OPCML: variants seen among roughly 807,000 people sequenced by gnomAD.
OPCML encodes opioid binding protein/cell adhesion molecule like, also known as opioid-binding protein/cell adhesion molecule.
A neutral mutation model predicts 37.8 loss-of-function variants in OPCML; 13 were observed. The ratio of observed to expected loss-of-function variants is 0.34; its 90% CI spans 0.22 to 0.55. The LOEUF (loss-of-function observed/expected upper bound fraction) is 0.55. Ranked by LOEUF, OPCML falls within the 20% of genes least tolerant of loss-of-function variation. The pLI, the probability that OPCML is intolerant of heterozygous loss-of-function variation, is 0.91. For missense variants in OPCML, 341 were observed against 435.6 expected (o/e 0.78, Z 1.93); for synonymous variants, 176 against 168.8 (o/e 1.04, Z -0.33).
intron 1 of OPCML, chr11:133,299,843 C>T (rs887898675): frequency 4.6e-5 from 7 of 152,054 alleles, no homozygotes; most frequent in African/African-American, 1.7e-4. Flanking sequence ...GAAGGGATCC[C>T]TACCTAGAAA....
intron 1 of OPCML, among the ~76,000 whole-genome samples, chr11:132,971,797 A>G (rs1946348797): frequency 6.6e-6 from 1 of 151,710 alleles, no homozygotes; most frequent in South Asian, 2.1e-4. Context: ...TCCAAACCAC[A>G]CCAATACTGG....
At chr11:133,373,215 A>G (rs1356100752) in intron 1 of OPCML, among the ~76,000 whole-genome samples, 1 of 151,870 alleles carries the variant, frequency 6.6e-6, no homozygotes, top group East Asian at 1.9e-4. Flanking sequence ...TAATCTTGGC[A>G]GGGGAGGGGG....
chr11:132,471,767 T>A (rs1174489076), intron 4 of OPCML, among the ~76,000 whole-genome samples: 1 of 152,236 alleles, frequency 6.6e-6, no homozygotes, highest in Admixed American at 6.5e-5. Flanking sequence ...ATTGAGCAAC[T>A]CCTAATTTTA....
chr11:133,239,474 G>A (rs780981991), intron 1 of OPCML, among the ~76,000 whole-genome samples: 2 of 152,182 alleles, frequency 1.3e-5, no homozygotes, highest in Non-Finnish European at 2.9e-5. Context: ...AAATAGAAAG[G>A]GGCCTTGGGG....
chr11:133,510,455 G>A (rs546462999), intron 1 of OPCML, among the ~76,000 whole-genome samples: 19 of 152,238 alleles, frequency 1.2e-4, no homozygotes, highest in South Asian at 8.3e-4. Context: ...GTCTTAAATG[G>A]TCTTAAGGTT....
At chr11:133,107,290 G>C (rs1949174681) in intron 1 of OPCML, among the ~76,000 whole-genome samples, 1 of 152,156 alleles carries the variant, frequency 6.6e-6, no homozygotes, top group Non-Finnish European at 1.5e-5. Flanking sequence ...TTCATTAGAG[G>C]ACATCTATCT....
chr11:132,724,700 C>T (rs1321685671), intron 2 of OPCML, among the ~76,000 whole-genome samples: 2 of 152,166 alleles, frequency 1.3e-5, no homozygotes, highest in Non-Finnish European at 2.9e-5. Context: ...GCCTACAAGC[C>T]TGTAAAATCA....
intron 1 of OPCML, among the ~76,000 whole-genome samples, chr11:133,040,716 T>G (rs1947875753): frequency 6.6e-6 from 1 of 151,514 alleles, no homozygotes; most frequent in East Asian, 2.0e-4. Context: ...GGCGGGGCAG[T>G]GAGTCATTCA....
chr11:133,292,710 T>C (rs1316564815), intron 1 of OPCML, among the ~76,000 whole-genome samples: 1 of 152,192 alleles, frequency 6.6e-6, no homozygotes, highest in African/African-American at 2.4e-5. Flanking sequence ...TATTTCCACC[T>C]TATTGCATTC....
intron 2 of OPCML, among the ~76,000 whole-genome samples, chr11:132,877,476 G>A (rs1228519743): frequency 6.6e-6 from 1 of 152,196 alleles, no homozygotes; most frequent in African/African-American, 2.4e-5. Context: ...GAGTTCATTT[G>A]ACTTCTCAGT....
chr11:132,606,610 A>G (rs1173401035), intron 3 of OPCML, among the ~76,000 whole-genome samples: 3 of 152,148 alleles, frequency 2.0e-5, no homozygotes, highest in Non-Finnish European at 2.9e-5. Flanking sequence ...GCCATCCTGC[A>G]AGGATCATCC....
At chr11:132,895,031 T>G (rs1943783702) in intron 2 of OPCML, among the ~76,000 whole-genome samples, 2 of 152,312 alleles carry the variant, frequency 1.3e-5, no homozygotes, top group African/African-American at 4.8e-5. Flanking sequence ...CTAGTGCAGA[T>G]TTTAGTACCA....
chr11:132,643,129 C>CTT (rs10688353), intron 3 of OPCML, among the ~76,000 whole-genome samples: 6,885 of 152,136 alleles, frequency 0.045, 372 homozygotes, highest in African/African-American at 0.13. Flanking sequence ...AAATACAAAA[C>CTT]AGCCAGGCAT....
intron 1 of OPCML, among the ~76,000 whole-genome samples, chr11:133,378,721 T>C (rs1489539119): frequency 1.3e-5 from 2 of 151,576 alleles, no homozygotes; most frequent in African/African-American, 2.4e-5. Context: ...TCTTTCTTTC[T>C]TTTTTTGTCT....
chr11:133,012,192 A>G (rs1947231991), intron 1 of OPCML, among the ~76,000 whole-genome samples: 1 of 152,170 alleles, frequency 6.6e-6, no homozygotes, highest in South Asian at 2.1e-4. Context: ...AGGGATGAAG[A>G]TAAACATCCC....
chr11:132,839,771 T>A (rs1941208874), intron 2 of OPCML, among the ~76,000 whole-genome samples: 1 of 152,222 alleles, frequency 6.6e-6, no homozygotes, highest in African/African-American at 2.4e-5. Context: ...GGTTGCTTTT[T>A]CAATTATTCG....
chr11:132,733,149 C>T (rs1026277907), intron 2 of OPCML, among the ~76,000 whole-genome samples: 9 of 151,804 alleles, frequency 5.9e-5, no homozygotes, highest in Non-Finnish European at 1.2e-4. Flanking sequence ...ATTCTGGGAG[C>T]GAACATTTAA....
At chr11:132,494,611 T>A (rs963654175) in intron 4 of OPCML, among the ~76,000 whole-genome samples, 1 of 152,080 alleles carries the variant, frequency 6.6e-6, no homozygotes, top group African/African-American at 2.4e-5. Context: ...TCTTCAGTCA[T>A]CAGAAGGAAA....
chr11:133,476,144 C>T (rs1340296689), intron 1 of OPCML, among the ~76,000 whole-genome samples: 1 of 152,136 alleles, frequency 6.6e-6, no homozygotes. Flanking sequence ...CTGGAAAACA[C>T]GTTTGGGCCA....
Sources: gnomAD v4.1 joint callset for allele counts (sites outside exome capture counted in the v4.1 genomes callset) on GRCh38, gnomAD v4.1.1 for gene constraint, MANE v1.5 for transcripts, NCBI Gene and HGNC (gene_info 2026-07-23, HGNC 2026-07-21) for gene names.